Variants in AJAP1 observed in about 807,000 individuals in gnomAD.
AJAP1 encodes the protein adherens junctions associated protein 1, also known as adherens junction-associated protein 1.
AJAP1 carries 5 observed loss-of-function variants against 35.0 expected under a neutral mutation model. The observed-to-expected ratio is 0.14, with a 90% CI of 0.07 to 0.30. The LOEUF (loss-of-function observed/expected upper bound fraction) is 0.30. Among genes scored for constraint, AJAP1 ranks in the 10% least tolerant of loss-of-function variants. The pLI is 1.00. For missense variants in AJAP1, 586 were observed against 571.0 expected (o/e 1.03, Z -0.27); for synonymous variants, 284 against 249.3 (o/e 1.14, Z -1.31).
rs2100496869 is a variant in AJAP1, at chr1:4,655,801, C to T, written c.29+347C>T. The stretch of plus-strand genomic sequence containing the variant: ...CCCCGGCGCGCCTCCTCCCCGGGGC[C>T]CGGGGCGAGGCGCCGGCCGCTGGGC... On this transcript the variant is annotated intron_variant, in intron 1 of 5. Transcript: ENST00000378191. The surrounding 1 kb of genome is among the most constrained non-coding windows in gnomAD (Gnocchi z 6.9). Among the ~76,000 whole-genome samples the T allele has an allele frequency of 6.7e-6, 1 of 148,710 alleles. No homozygotes were observed. Among genetic ancestry groups the T allele is most frequent in the Non-Finnish European group, 1.5e-5 (1 of 66,810 alleles).
intron 2 of AJAP1, among the ~76,000 whole-genome samples, chr1:4,765,682 A>G (rs1641668471): frequency 6.6e-6 from 1 of 152,220 alleles, no homozygotes; most frequent in South Asian, 2.1e-4. Flanking sequence ...GAAAATGGAG[A>G]TAGACATGGC....
chr1:4,674,042 C>CAAA lies in AJAP1; in HGVS notation c.29+18610_29+18612dup, dbSNP rs57335438. Among the ~76,000 whole-genome samples the CAAA allele has an allele frequency of 1.5e-3, 124 of 81,782 alleles. 1 individual carries two copies. Among genetic ancestry groups the CAAA allele is most frequent in the South Asian group, 5.0e-3 (9 of 1,790 alleles). 53.7% of individuals were successfully genotyped at this position (81,782 alleles called of 152,430 possible). A position where few individuals can be genotyped will look rare whatever the true frequency, so the allele number is the denominator to read the frequency against. ...GAGATAGGCTTATCCCCCCCGCCAC[C>CAAA]AAAAAAAAAAAAAAAAAAAAAAAAG... On this transcript the variant is annotated intron_variant, in intron 1 of 5. Coordinates refer to ENST00000378191, the MANE Select transcript of AJAP1 (RefSeq NM_018836.4).
At chr1:4,772,254 C>A in intron 3 of AJAP1, 26 bp from the exon 4 acceptor site, 3 of 1,612,782 alleles carry the variant, frequency 1.9e-6, no homozygotes, top group Non-Finnish European at 2.5e-6. Flanking sequence ...TGCCCGTCCC[C>A]CTACCCCAAA....
intron 1 of AJAP1, among the ~76,000 whole-genome samples, chr1:4,676,031 T>C (rs2100521770): frequency 6.6e-6 from 1 of 152,336 alleles, no homozygotes; most frequent in South Asian, 2.1e-4. Flanking sequence ...TGTGTCCTCG[T>C]GCAGGGACGG....
intron 2 of AJAP1, among the ~76,000 whole-genome samples, chr1:4,762,034 T>G (rs932344812): frequency 1.3e-5 from 2 of 152,188 alleles, no homozygotes; most frequent in African/African-American, 4.8e-5. Flanking sequence ...AGTCCACCCC[T>G]TGTCAACTTG....
chr1:4,748,349 G>A (rs1036277007), intron 2 of AJAP1, among the ~76,000 whole-genome samples: 6 of 152,212 alleles, frequency 3.9e-5, no homozygotes, highest in African/African-American at 1.4e-4. Context: ...GCCAGGGTGA[G>A]CTGAGTTGTT....
At chr1:4,777,412 G>A (rs1641960735) in intron 5 of AJAP1, 2 of 152,214 alleles carry the variant, frequency 1.3e-5, no homozygotes, top group Admixed American at 6.5e-5. Context: ...CGGTTGTCCG[G>A]AATGCCAGTG....
At chr1:4,763,786 C>A (rs1641623215) in intron 2 of AJAP1, among the ~76,000 whole-genome samples, 1 of 149,112 alleles carries the variant, frequency 6.7e-6, no homozygotes, top group African/African-American at 2.5e-5. Context: ...TCCCTCTCTC[C>A]CTCATCTCTC....
At chr1:4,737,327 C>T (rs1640948847) in intron 2 of AJAP1, among the ~76,000 whole-genome samples, 1 of 152,140 alleles carries the variant, frequency 6.6e-6, no homozygotes, top group African/African-American at 2.4e-5. Flanking sequence ...CCGTCACCAC[C>T]CACCCCTCGG....
Position 4,702,766 on chromosome 1 carries a change from C to T in AJAP1, c.30-9134C>T, listed in dbSNP as rs138388962. Among the ~76,000 whole-genome samples, 210 of 152,224 alleles carry T rather than the reference C, an allele frequency of 1.4e-3. 3 individuals are homozygous for T. The East Asian group carries it at 0.037, about 27-fold the overall frequency. On this transcript the variant is annotated intron_variant, in intron 1 of 5. Transcript: ENST00000378191. ...CTGGGTACTCTCCTCTACACTATCC[C>T]GGGACCACCCCAGGTTCTGGGCCGC...
At chr1:4,658,771 C>T (rs1048429014) in intron 1 of AJAP1, among the ~76,000 whole-genome samples, 2 of 152,338 alleles carry the variant, frequency 1.3e-5, no homozygotes, top group African/African-American at 4.8e-5. Context: ...CACCTGCTTC[C>T]TTTTCTTCCA....
intron 2 of AJAP1, among the ~76,000 whole-genome samples, chr1:4,759,285 A>G (rs1188609476): frequency 6.6e-6 from 1 of 152,196 alleles, no homozygotes; most frequent in Non-Finnish European, 1.5e-5. Context: ...TAAGGCCATG[A>G]TGAGAGCTTG....
intron 1 of AJAP1, among the ~76,000 whole-genome samples, chr1:4,669,115 A>G (rs902425156): frequency 1.3e-5 from 2 of 152,222 alleles, no homozygotes; most frequent in Non-Finnish European, 2.9e-5. Flanking sequence ...CTTCAGTGAC[A>G]TTTCGTGTGT....
intron 2 of AJAP1, among the ~76,000 whole-genome samples, chr1:4,757,124 A>T (rs1034719581): frequency 6.6e-6 from 1 of 152,118 alleles, no homozygotes; most frequent in African/African-American, 2.4e-5. Context: ...GCTCCTGGAG[A>T]CATCTGATTC....
chr1:4,750,433 A>G (rs1223942894), intron 2 of AJAP1, among the ~76,000 whole-genome samples: 2 of 152,172 alleles, frequency 1.3e-5, no homozygotes, highest in African/African-American at 4.8e-5. Flanking sequence ...CATCCTCATA[A>G]CTGTTTTGAA....
In AJAP1 at chr1:4,656,851, T is replaced by C. The variant is rs1396999386; in HGVS notation, c.29+1397T>C. Among the ~76,000 whole-genome samples, 2 of 152,084 alleles carry C rather than the reference T, an allele frequency of 1.3e-5. No individual in the cohort carries two copies. The highest frequency in any genetic ancestry group is 2.9e-5 in the Non-Finnish European group (2 of 67,998). ...ATAAGTGTGCTTGGGCTAGATAAGG[T>C]TTAGGCTTGGACCGTTGTGGGATGT... On this transcript the variant is annotated intron_variant, in intron 1 of 5. Coordinates refer to ENST00000378191, the MANE Select transcript of AJAP1 (RefSeq NM_018836.4). The surrounding 1 kb of genome is among the most constrained non-coding windows in gnomAD (Gnocchi z 5.7).
At chr1:4,776,332 TAC>T (rs1050244716) in intron 5 of AJAP1, among the ~76,000 whole-genome samples, 14 of 152,098 alleles carry the variant, frequency 9.2e-5, no homozygotes, top group African/African-American at 3.1e-4. Flanking sequence ...GAACACTTTT[TAC>T]CTGCCCAGTC....
chr1:4,771,189 G>A (rs983186611), intron 3 of AJAP1, among the ~76,000 whole-genome samples: 10 of 152,214 alleles, frequency 6.6e-5, no homozygotes, highest in Admixed American at 2.6e-4. Context: ...CAGCCCGGGA[G>A]GATGGATGAG....
intron 2 of AJAP1, among the ~76,000 whole-genome samples, chr1:4,735,323 C>T (rs1439581132): frequency 3.9e-5 from 6 of 152,328 alleles, no homozygotes; most frequent in Admixed American, 3.9e-4. Context: ...CCTGGAATTC[C>T]AGCCTGGAGC....
Sources: allele counts gnomAD v4.1 joint callset (sites outside exome capture counted in the v4.1 genomes callset), GRCh38; gene constraint gnomAD v4.1.1; non-coding constraint Gnocchi (gnomAD v3.1); transcripts MANE v1.5; gene names NCBI Gene and HGNC (gene_info 2026-07-23, HGNC 2026-07-21).